Variants in LRRIQ1 observed in about 807,000 individuals in gnomAD.
LRRIQ1 encodes leucine rich repeats and IQ motif containing 1, also known as leucine-rich repeat- and IQ domain-containing protein 1.
A neutral mutation model predicts 211.9 loss-of-function variants in LRRIQ1; 210 were observed. The observed-to-expected ratio is 0.99, with a 90% CI of 0.89 to 1.11. LRRIQ1 has a LOEUF of 1.11. LRRIQ1 is among the 50% of genes most tolerant of loss of function. The probability of loss-of-function intolerance (pLI) is 0.00; values close to 1 mark genes in which losing one functional copy is unlikely to be tolerated. For synonymous variants in LRRIQ1, 699 were observed against 650.1 expected (o/e 1.08, Z -1.14); for missense variants, 2,136 against 1,939.5 (o/e 1.10, Z -1.90).
chr12:85,054,008 T>C (rs1391449751), intron 7 of LRRIQ1, among the ~76,000 whole-genome samples: 1 of 152,246 alleles, frequency 6.6e-6, no homozygotes, highest in Non-Finnish European at 1.5e-5. Context: ...CTTAACAATG[T>C]AAAGATATGA....
chr12:85,058,824 T>C (rs953914616), intron 8 of LRRIQ1, among the ~76,000 whole-genome samples: 1 of 152,022 alleles, frequency 6.6e-6, no homozygotes, highest in Non-Finnish European at 1.5e-5. Context: ...TGATTCTAAA[T>C]GATGATGTTG....
chr12:85,148,412 G>A (rs1890030922), intron 19 of LRRIQ1, among the ~76,000 whole-genome samples: 1 of 151,818 alleles, frequency 6.6e-6, no homozygotes, highest in Admixed American at 6.6e-5. Flanking sequence ...TTGGTTTTCT[G>A]TTCCTATGTT....
At chr12:85,212,983 C>T (rs1348997900) in intron 24 of LRRIQ1, among the ~76,000 whole-genome samples, 1 of 150,400 alleles carries the variant, frequency 6.6e-6, no homozygotes, top group Non-Finnish European at 1.5e-5. Flanking sequence ...ATAGAAGGCA[C>T]AAAATGAGAT....
intron 19 of LRRIQ1, among the ~76,000 whole-genome samples, chr12:85,151,551 C>T (rs1592890350): frequency 6.6e-6 from 1 of 151,570 alleles, no homozygotes; most frequent in Non-Finnish European, 1.5e-5. Flanking sequence ...ATTATATATT[C>T]AATCAAGTAA....
intron 16 of LRRIQ1, among the ~76,000 whole-genome samples, chr12:85,123,107 CATT>C (rs149584556): frequency 0.055 from 8,397 of 151,812 alleles, 774 homozygotes; most frequent in African/African-American, 0.19. Flanking sequence ...ACTTTTTTTG[CATT>C]ATTAGCCAAT....
chr12:85,192,950 A>G (rs1273357216), intron 24 of LRRIQ1, among the ~76,000 whole-genome samples: 1 of 89,662 alleles, frequency 1.1e-5, no homozygotes. Flanking sequence ...ATATAAATAT[A>G]TAATTATATA....
rs1887008906 is a variant in LRRIQ1 at position 85,109,413 on chromosome 12, T to C, written c.3377+2798T>C. On this transcript the variant is annotated intron_variant, in intron 15 of 26. Transcript: ENST00000393217. ...GGCCCAGAAAGTCCATTTTTCTTTC[T>C]TTTTTCTTTAGAGCCAGGTTTCCAA... Among the ~76,000 whole-genome samples the C allele has an allele frequency of 5.3e-5, 8 of 152,208 alleles. No homozygotes were observed. In the South Asian group the frequency reaches 1.7e-3, roughly 31 times the overall value.
chr12:85,255,603 A>G (rs1896066528), intron 1 of LRRIQ1, among the ~76,000 whole-genome samples: 1 of 151,760 alleles, frequency 6.6e-6, no homozygotes, highest in Non-Finnish European at 1.5e-5. Flanking sequence ...ACGAACTTAT[A>G]GCCACATCTC....
Position 85,038,473 on chromosome 12 carries a change from G to A in LRRIQ1, c.132+165G>A, listed in dbSNP as rs17012518. Among the ~76,000 whole-genome samples, 713 of 151,316 alleles carry A rather than the reference G, an allele frequency of 4.7e-3. 7 individuals are homozygous for A. The highest frequency in any genetic ancestry group is 0.034 in the East Asian group (175 of 5,164). On this transcript the variant is annotated intron_variant, in intron 2 of 26. Transcript: ENST00000393217. ...TATATATAGTCACCTATACATCTTC[G>A]TAAAATTGGGATTATCATTATATAT...
intron 24 of LRRIQ1, among the ~76,000 whole-genome samples, chr12:85,192,686 A>AAATATATAGTTATATAC (rs1892616437): frequency 4.9e-5 from 3 of 61,592 alleles, no homozygotes; most frequent in East Asian, 8.1e-4. Context: ...CTATAATTAT[A>AAATATATAGTTATATAC]TATAAATATA....
intron 11 of LRRIQ1, among the ~76,000 whole-genome samples, chr12:85,073,817 T>C (rs1175628716): frequency 6.6e-6 from 1 of 152,044 alleles, no homozygotes; most frequent in Non-Finnish European, 1.5e-5. Context: ...GTTTTTCATC[T>C]TCAGGAAATG....
At chr12:85,247,639 A>G (rs1275658706), downstream of LRRIQ1, among the ~76,000 whole-genome samples, 1 of 151,558 alleles carries the variant, frequency 6.6e-6, no homozygotes, top group African/African-American at 2.4e-5. Context: ...GAGTAAAAAT[A>G]TACATAAAGC....
At chr12:85,198,625 T>G (rs982695601) in intron 24 of LRRIQ1, among the ~76,000 whole-genome samples, 6 of 151,716 alleles carry the variant, frequency 4.0e-5, no homozygotes, top group Non-Finnish European at 8.8e-5. Flanking sequence ...TGGAGTGCAG[T>G]GGTGCTATCT....
At chr12:85,157,291 G>C (rs79193744) in intron 23 of LRRIQ1, among the ~76,000 whole-genome samples, 3,083 of 151,838 alleles carry the variant, frequency 0.02, 140 homozygotes, top group East Asian at 0.2. Flanking sequence ...AAGAGGAGGA[G>C]GGTGGAGAAG....
chr12:85,149,363 G>T (rs1565869786), intron 19 of LRRIQ1, among the ~76,000 whole-genome samples: 1 of 151,792 alleles, frequency 6.6e-6, no homozygotes, highest in Non-Finnish European at 1.5e-5. Context: ...TCAGTTTTCT[G>T]CATATGGCTA....
intron 18 of LRRIQ1, among the ~76,000 whole-genome samples, chr12:85,132,868 T>A (rs1347156612): frequency 6.6e-6 from 1 of 152,064 alleles, no homozygotes; most frequent in African/African-American, 2.4e-5. Flanking sequence ...ATCTCTGTGG[T>A]AGCTTGCATG....
chr12:85,134,710 T>G (rs1428508915), intron 18 of LRRIQ1, among the ~76,000 whole-genome samples: 1 of 152,066 alleles, frequency 6.6e-6, no homozygotes, highest in Non-Finnish European at 1.5e-5. Context: ...TATGTAATTT[T>G]ATTGATTGTA....
downstream of LRRIQ1, among the ~76,000 whole-genome samples, chr12:85,264,919 A>G (rs771330745): frequency 8.5e-5 from 13 of 152,066 alleles, 1 homozygote; most frequent in Non-Finnish European, 1.8e-4. Context: ...AACACTTATC[A>G]TCACTGCCTT....
intron 11 of LRRIQ1, among the ~76,000 whole-genome samples, chr12:85,091,175 C>A (rs1189357729): frequency 6.6e-6 from 1 of 152,096 alleles, no homozygotes. Context: ...TGAGAAGATG[C>A]CAGCACCATA....
Sources: gnomAD v4.1 joint callset for allele counts (sites outside exome capture counted in the v4.1 genomes callset) on GRCh38, gnomAD v4.1.1 for gene constraint, MANE v1.5 for transcripts, NCBI Gene and HGNC (gene_info 2026-07-23, HGNC 2026-07-21) for gene names.